Variants in AOX1 observed in about 807,000 individuals in gnomAD.
The protein encoded by AOX1 is aldehyde oxidase 1.
Under a neutral mutation model 169.5 loss-of-function variants are expected in AOX1, and 153 were observed. The observed-to-expected ratio is 0.90, with a 90% CI of 0.79 to 1.03. AOX1 has a LOEUF of 1.03. Among genes scored for constraint, AOX1 ranks in the 50% least tolerant of loss-of-function variants. The probability of loss-of-function intolerance (pLI) is 0.00; values close to 1 mark genes in which losing one functional copy is unlikely to be tolerated. For missense variants in AOX1, 1,656 were observed against 1,663.9 expected (o/e 1.00, Z 0.08); for synonymous variants, 562 against 581.9 (o/e 0.97, Z 0.49).
At chr2:200,633,662 G>A (rs1002778103) in intron 20 of AOX1, among the ~76,000 whole-genome samples, 1 of 151,602 alleles carries the variant, frequency 6.6e-6, no homozygotes, top group African/African-American at 2.4e-5. Context: ...TAAAATCCTT[G>A]TCAGATAATT....
chr2:200,593,216 T>C lies in AOX1; in HGVS notation c.103+13T>C, dbSNP rs1466163412. 8 of 1,608,880 alleles carry C rather than the reference T, an allele frequency of 5.0e-6. No individual in the cohort carries two copies. Among genetic ancestry groups the C allele is most frequent in the South Asian group, 1.1e-5 (1 of 90,978 alleles). ...TTGAGGAAGAAGCGTATCCTTTTCT[T>C]TACTTTGACTGTGTATGTGTGTGTG... is the stretch of plus-strand genomic sequence containing the variant. On this transcript the variant is annotated intron_variant, in intron 2 of 34. Coordinates refer to ENST00000374700, the MANE Select transcript of AOX1 (RefSeq NM_001159.4).
intron 10 of AOX1, among the ~76,000 whole-genome samples, chr2:200,608,168 A>G (rs2034554383): frequency 6.6e-6 from 1 of 152,210 alleles, no homozygotes; most frequent in Admixed American, 6.5e-5. Flanking sequence ...GAAAGCATAA[A>G]AAAAAAGAAT....
intron 19 of AOX1, 139 bp from the exon 20 acceptor site, chr2:200,627,214 G>A (rs777590334): frequency 2.8e-4 from 176 of 636,660 alleles, no homozygotes; most frequent in Non-Finnish European, 4.4e-4. Flanking sequence ...TGGCTCACCA[G>A]GGTCATGGTG....
At chr2:200,634,333 G>C (rs1321565955) in intron 20 of AOX1, among the ~76,000 whole-genome samples, 1 of 151,948 alleles carries the variant, frequency 6.6e-6, no homozygotes, top group African/African-American at 2.4e-5. Flanking sequence ...TAGCTGGTCT[G>C]CCTTCTCTCC....
intron 1 of AOX1, among the ~76,000 whole-genome samples, chr2:200,589,609 G>A (rs1273978399): frequency 6.9e-6 from 1 of 144,396 alleles, no homozygotes; most frequent in Non-Finnish European, 1.6e-5. Flanking sequence ...CATAGAGAGA[G>A]GTTAGCAGGG....
chr2:200,599,789 T>C, intron 5 of AOX1, 43 bp downstream of exon 5: 1 of 1,346,490 alleles, frequency 7.4e-7, no homozygotes. Flanking sequence ...TTTTTATTTA[T>C]TTATTTATTT....
intron 21 of AOX1, among the ~76,000 whole-genome samples, chr2:200,636,003 T>C (rs2035221723): frequency 6.6e-6 from 1 of 151,956 alleles, no homozygotes; most frequent in Admixed American, 6.6e-5. Flanking sequence ...TAAGAATCAA[T>C]TGTTAAGACT....
intron 25 of AOX1, among the ~76,000 whole-genome samples, chr2:200,649,316 C>T (rs2035532030): frequency 6.6e-6 from 1 of 152,028 alleles, no homozygotes; most frequent in Non-Finnish European, 1.5e-5. Flanking sequence ...TTGCTTGGCT[C>T]TCTAAATTGT....
At chr2:200,664,454 C>G (rs2035889987) in intron 31 of AOX1, among the ~76,000 whole-genome samples, 1 of 152,332 alleles carries the variant, frequency 6.6e-6, no homozygotes, top group South Asian at 2.1e-4. Flanking sequence ...TCCCTTCTCC[C>G]TCAAAGCAAA....
At chr2:200,660,478 G>A (rs767716118) in intron 29 of AOX1, among the ~76,000 whole-genome samples, 8 of 152,072 alleles carry the variant, frequency 5.3e-5, no homozygotes, top group Non-Finnish European at 1.0e-4. Flanking sequence ...ATAAGCACTC[G>A]TTTAGAAATA....
chr2:200,671,689 C>A (rs186161376), downstream of AOX1, among the ~76,000 whole-genome samples: 1 of 152,246 alleles, frequency 6.6e-6, no homozygotes, highest in Admixed American at 6.5e-5. Flanking sequence ...AAAATGGGAA[C>A]ACTTATCCAT....
Position 200,609,359 on chromosome 2 carries a change from A to G in AOX1, c.1098A>G (p.Ser366=). The G allele has an allele frequency of 6.2e-7, 1 of 1,614,120 alleles. No homozygotes were observed. The highest frequency in any genetic ancestry group is 8.5e-7 in the Non-Finnish European group (1 of 1,179,976). The stretch of plus-strand genomic sequence containing the variant: ...ACATCATTAGCAGGCATCCAGATTC[A>G]GATCTGAATCCCATCCTGGCTGTGG... The part of the protein sequence containing the change: ...GGHIISRHPD[S]DLNPILAVGN... The change falls in exon 12 of 35, where the codon TCA becomes TCG. Residue 366 remains serine (S), a synonymous_variant. Coordinates refer to ENST00000374700, the MANE Select transcript of AOX1 (RefSeq NM_001159.4).
chr2:200,617,946 A>G (rs2034800409), intron 16 of AOX1, among the ~76,000 whole-genome samples: 1 of 152,114 alleles, frequency 6.6e-6, no homozygotes, highest in Non-Finnish European at 1.5e-5. Context: ...TCACTATCTC[A>G]GCTCCTCGAA....
At chr2:200,667,730 G>A (rs1312576578) in intron 32 of AOX1, among the ~76,000 whole-genome samples, 1 of 151,856 alleles carries the variant, frequency 6.6e-6, no homozygotes, top group Non-Finnish European at 1.5e-5. Flanking sequence ...GAGTCAGAGA[G>A]CAGAAGAGGG....
At chr2:200,590,792 T>C (rs964439942) in intron 1 of AOX1, among the ~76,000 whole-genome samples, 2 of 152,188 alleles carry the variant, frequency 1.3e-5, no homozygotes, top group East Asian at 3.8e-4. Flanking sequence ...GCTTCTATTG[T>C]TTACCATCAT....
In AOX1 at chr2:200,604,848, G is replaced by T; in HGVS notation, c.814+8G>T. The stretch of plus-strand genomic sequence containing the variant: ...TGGGAAACACCTCTGTGGGTATGTA[G>T]AACCCCAGGGATTTTTTATAGGGAA... On this transcript the variant is annotated splice_region_variant and intron_variant, in intron 9 of 34. Transcript: ENST00000374700. 4.9e-6 allele frequency: 7 copies of T among 1,437,892 alleles called. No individual in the cohort carries two copies. Among genetic ancestry groups the T allele is most frequent in the Non-Finnish European group, 6.6e-6 (7 of 1,068,348 alleles). 89.1% of individuals were successfully genotyped at this position (1,437,892 alleles called of 1,614,324 possible).
chr2:200,612,642 C>CG lies in AOX1; in HGVS notation c.1298dup (p.Gln434ThrfsTer24). On this transcript the variant is annotated frameshift_variant, in exon 14 of 35. Coordinates refer to ENST00000374700, the MANE Select transcript of AOX1 (RefSeq NM_001159.4). LOFTEE classifies it high-confidence loss of function. ...TGTGTCAGCCTTCCGACAAGCCCAGCGACAGGAGAATGCGCTAGCGATAGT... is the reference window on the plus strand; with the variant it reads ...TGTGTCAGCCTTCCGACAAGCCCAGCGGACAGGAGAATGCGCTAGCGATAGT... The CG allele has an allele frequency of 6.2e-7, 1 of 1,613,944 alleles. No homozygotes were observed. The highest frequency in any genetic ancestry group is 8.5e-7 in the Non-Finnish European group (1 of 1,179,972).
Position 200,586,165 on chromosome 2 carries a change from C to T in AOX1, c.45+12C>T, listed in dbSNP as rs370880606. The T allele has an allele frequency of 2.3e-5, 36 of 1,554,128 alleles. No individual in the cohort carries two copies. The highest frequency in any genetic ancestry group is 2.8e-5 in the Non-Finnish European group (32 of 1,150,152). ...TGAACGGCCGCAAGGTGAGCGCCCG[C>T]GGGCTTCCTCTGCCCCCAGACCTGC... On this transcript the variant is annotated intron_variant, in intron 1 of 34. Transcript: ENST00000374700.
At chr2:200,669,002 T>C (rs2035975919) in intron 33 of AOX1, among the ~76,000 whole-genome samples, 199 bp downstream of exon 33, 1 of 152,238 alleles carries the variant, frequency 6.6e-6, no homozygotes, top group African/African-American at 2.4e-5. Flanking sequence ...CATCAACTAC[T>C]ATTGCCATCA....
Sources: gnomAD v4.1 joint callset for allele counts (sites outside exome capture counted in the v4.1 genomes callset) on GRCh38, gnomAD v4.1.1 for gene constraint, MANE v1.5 for transcripts, NCBI Gene and HGNC (gene_info 2026-07-23, HGNC 2026-07-21) for gene names.